Variants in SLC5A6 observed in about 807,000 individuals in gnomAD.
SLC5A6 encodes solute carrier family 5 member 6.
Under a neutral mutation model 67.9 loss-of-function variants are expected in SLC5A6, and 31 were observed. The ratio of observed to expected loss-of-function variants is 0.46; its 90% confidence interval spans 0.34 to 0.62. The LOEUF (loss-of-function observed/expected upper bound fraction) is 0.62, where lower values mean the gene tolerates loss of function less well. Ranked by LOEUF, SLC5A6 falls within the 20% of genes least tolerant of loss-of-function variation. The pLI is 0.01. For missense variants in SLC5A6, 673 were observed against 812.8 expected, an observed-to-expected ratio of 0.83 and a Z score of 2.09; for synonymous variants, 343 against 331.0, an observed-to-expected ratio of 1.04 and a Z score of -0.39.
At position 27,203,814 on chromosome 2, in the gene SLC5A6, CCCTGGCAGG is replaced by C. The variant is rs757184106; in HGVS notation, c.1050_1058del (p.Pro352_Leu354del). On this transcript the variant is annotated inframe_deletion, in exon 10 of 17. Transcript: ENST00000310574. The stretch of plus-strand genomic sequence containing the variant: ...CGCTGAAGAGGCAGGCAATGAAGAG[CCCTGGCAGG>C]CCTGGCAGGCCCTTCAGGAGATCCA... 4 of 1,613,942 alleles carry C rather than the reference CCCTGGCAGG, an allele frequency of 2.5e-6. No individual in the cohort carries two copies. Among genetic ancestry groups the C allele is most frequent in the Admixed American group, 1.7e-5 (1 of 60,004 alleles).
At chr2:27,211,990 CCGCCCCGCT>C in intron 1 of SLC5A6, 21 bp downstream of exon 1, 1 of 614,636 alleles carries the variant, frequency 1.6e-6, no homozygotes, top group Non-Finnish European at 2.6e-6. Flanking sequence ...CGCCCCCTGC[CCGCCCCGCT>C]CGCCGTGCCG....
intron 4 of SLC5A6, 82 bp from the exon 5 acceptor site, chr2:27,206,616 T>C: frequency 1.5e-5 from 20 of 1,302,338 alleles, no homozygotes; most frequent in Non-Finnish European, 2.0e-5. Context: ...AGCGCCAATA[T>C]GCCCATGGCT....
rs769850274 is a variant in SLC5A6, at chr2:27,200,427, G to C, written c.*9C>G. On this transcript the variant is annotated 3_prime_UTR_variant, in exon 17 of 17. Coordinates refer to ENST00000310574, the MANE Select transcript of SLC5A6 (RefSeq NM_021095.4). ...ACAGTGAGGACAGAGGCGGGGTCCT[G>C]AGTCAACATCACAGGGAGGTCTCCT... The C allele has an allele frequency of 1.2e-6, 2 of 1,605,574 alleles. No individual in the cohort carries two copies. Among genetic ancestry groups the C allele is most frequent in the East Asian group, 4.5e-5 (2 of 44,858 alleles).
chr2:27,212,151 A>C lies in SLC5A6; in HGVS notation c.-339T>G. On this transcript the variant is annotated 5_prime_UTR_variant, in exon 1 of 17. Transcript: ENST00000310574. ...CGGCGACGGGGGAGGCCTTCACTAA[A>C]GGGGAAAAGGAAGAGGGGGTCGGCC... 3 of 1,530,360 alleles carry C rather than the reference A, an allele frequency of 2.0e-6. No individual in the cohort carries two copies. The South Asian group carries it at 3.7e-5, about 19-fold the overall frequency. 94.8% of individuals were successfully genotyped at this position (1,530,360 alleles called of 1,614,324 possible). A position where few individuals can be genotyped will look rare whatever the true frequency, so the allele number is the denominator to read the frequency against.
In SLC5A6 at chr2:27,205,140, A is replaced by G. The variant is rs188370451; in HGVS notation, c.735-209T>C. On this transcript the variant is annotated intron_variant, in intron 7 of 16. Transcript: ENST00000310574. ...CTTCCACCCCAGGCTCATTCCAGGT[A>G]CTCATCCCAGGTAATGTCCTGACTC... The G allele has an allele frequency of 5.1e-5, 36 of 708,692 alleles. No homozygotes were observed. The East Asian group carries it at 8.1e-4, about 16-fold the overall frequency. The allele number at this position is 708,692 out of a possible 1,614,324, so 43.9% of individuals were successfully genotyped here. A position where few individuals can be genotyped will look rare whatever the true frequency, so the allele number is the denominator to read the frequency against.
intron 12 of SLC5A6, 97 bp downstream of exon 12, chr2:27,202,716 C>A: frequency 1.9e-6 from 2 of 1,062,236 alleles, no homozygotes; most frequent in South Asian, 1.3e-5. Flanking sequence ...GCCTGCCCCC[C>A]GGTCATTCCC....
chr2:27,206,989 A>T, intron 3 of SLC5A6, 47 bp from the exon 4 acceptor site: 1 of 1,465,484 alleles, frequency 6.8e-7, no homozygotes, highest in Non-Finnish European at 9.6e-7. Context: ...CACCCCGACA[A>T]CTCACAGACA....
chr2:27,210,115 G>C (rs976154503), intron 2 of SLC5A6, among the ~76,000 whole-genome samples: 1 of 152,198 alleles, frequency 6.6e-6, no homozygotes, highest in Admixed American at 6.5e-5. Context: ...AGACAGGAAG[G>C]AAAGTCCCAG....
Position 27,207,550 on chromosome 2 carries a change from A to T in SLC5A6, c.101T>A (p.Leu34Gln). The T allele has an allele frequency of 6.2e-7, 1 of 1,614,268 alleles. No homozygotes were observed. The highest frequency in any genetic ancestry group is 8.5e-7 in the Non-Finnish European group (1 of 1,180,048). The change falls in exon 3 of 17, where the codon CTG (leucine) becomes CAG (glutamine). Residue 34 changes from leucine to glutamine, a missense_variant. Transcript: ENST00000310574. This position sits in a 1 kb window ranked among gnomAD's most constrained non-coding sequence, Gnocchi z 5.5. ...FSIMDYVVFVLLLVLSLAIGL... is the reference protein window; with the variant it reads ...FSIMDYVVFVQLLVLSLAIGL... ...AATGGCAAGAGAGAGAACCAGCAGC[A>T]GGACGAACACCACATAGTCCATGAT... is the stretch of plus-strand genomic sequence containing the variant.
chr2:27,203,000 A>G, intron 11 of SLC5A6, 120 bp from the exon 12 acceptor site: 4 of 1,541,716 alleles, frequency 2.6e-6, no homozygotes, highest in Non-Finnish European at 3.5e-6. Context: ...CAAAAGGCAT[A>G]TTACATCACG....
intron 5 of SLC5A6, 52 bp from the exon 6 acceptor site, chr2:27,206,145 A>G: frequency 6.6e-7 from 1 of 1,511,858 alleles, no homozygotes; most frequent in Non-Finnish European, 9.2e-7. Context: ...TCCCCAGGGG[A>G]GAAGCCCTGG....
chr2:27,205,946 T>G, intron 6 of SLC5A6, 80 bp downstream of exon 6: 1 of 1,058,464 alleles, frequency 9.4e-7, no homozygotes, highest in South Asian at 1.3e-5. Flanking sequence ...TCTCAGCTTA[T>G]CTCTTCTTTT....
chr2:27,203,822 G>A lies in SLC5A6; in HGVS notation c.1051C>T (p.Leu351=). 6.2e-7 allele frequency: 1 copy of A among 1,614,090 alleles called. No homozygotes were observed. Among genetic ancestry groups the A allele is most frequent in the Non-Finnish European group, 8.5e-7 (1 of 1,179,940 alleles). The change falls in exon 10 of 17, where the codon CTG becomes TTG. Residue 351 remains leucine (L), a synonymous_variant. Transcript: ENST00000310574. ...VMDLLKGLPG[L]PGLFIACLFS... is the part of the protein sequence containing the mutation. ...AGGCAGGCAATGAAGAGCCCTGGCA[G>A]GCCTGGCAGGCCCTTCAGGAGATCC...
At position 27,203,273 on chromosome 2, in the gene SLC5A6, C is replaced by G; in HGVS notation, c.1167G>C (p.Glu389Asp). 1 of 1,614,112 alleles carries G rather than the reference C, an allele frequency of 6.2e-7. No individual in the cohort carries two copies. Residue 389 changes from glutamate to aspartate, a missense_variant, in exon 11 of 17, where the codon GAG (glutamate) becomes GAC (aspartate). Transcript: ENST00000310574. ...MEDLIRPWFP[E>D]FSEARAIMLS... Reference sequence around the variant, plus strand: ...GCATGATGGCCCGGGCTTCAGAGAACTCAGGGAACCAAGGTCGAATCAGGT... The same window carrying G: ...GCATGATGGCCCGGGCTTCAGAGAAGTCAGGGAACCAAGGTCGAATCAGGT...
At chr2:27,211,921 G>A (rs1674540578) in intron 1 of SLC5A6, 99 bp downstream of exon 1, 1 of 411,444 alleles carries the variant, frequency 2.4e-6, no homozygotes, top group African/African-American at 2.1e-5. Flanking sequence ...CCACACGTGG[G>A]TAGCCAGAGC....
intron 7 of SLC5A6, 142 bp downstream of exon 7, chr2:27,205,208 T>G (rs1673966121): frequency 1.2e-6 from 1 of 849,210 alleles, no homozygotes; most frequent in Non-Finnish European, 1.8e-6. Flanking sequence ...CCTCCATCTC[T>G]GCAGGACCAG....
chr2:27,202,458 C>T (rs960539209), intron 12 of SLC5A6, among the ~76,000 whole-genome samples: 1 of 143,608 alleles, frequency 7.0e-6, no homozygotes, highest in African/African-American at 2.6e-5. Flanking sequence ...CAACTGAGAT[C>T]GCGCCACTGC....
chr2:27,207,538 A>T lies in SLC5A6; in HGVS notation c.113T>A (p.Leu38His), dbSNP rs1221284970. The T allele has an allele frequency of 1.9e-6, 3 of 1,614,128 alleles. No individual in the cohort carries two copies. Among genetic ancestry groups the T allele is most frequent in the Non-Finnish European group, 2.5e-6 (3 of 1,180,058 alleles). The change falls in exon 3 of 17, where the codon CTC (leucine) becomes CAC (histidine). Residue 38 changes from leucine to histidine, a missense_variant. Coordinates refer to ENST00000310574, the MANE Select transcript of SLC5A6 (RefSeq NM_021095.4). This position sits in a 1 kb window ranked among gnomAD's most constrained non-coding sequence, Gnocchi z 5.5. The stretch of plus-strand genomic sequence containing the variant: ...ATGGTAGAGCCCAATGGCAAGAGAG[A>T]GAACCAGCAGCAGGACGAACACCAC... ...DYVVFVLLLV[L>H]SLAIGLYHAC...
chr2:27,205,526 C>A (rs1302846966), intron 6 of SLC5A6, 22 bp from the exon 7 acceptor site: 1 of 1,613,996 alleles, frequency 6.2e-7, no homozygotes, highest in Admixed American at 1.7e-5. Flanking sequence ...GCACAGCAAA[C>A]CTGCCACAGA....
Sources: gnomAD v4.1 joint callset for allele counts (sites outside exome capture counted in the v4.1 genomes callset) on GRCh38, gnomAD v4.1.1 for gene constraint, Gnocchi (gnomAD v3.1) non-coding constraint, MANE v1.5 for transcripts, NCBI Gene and HGNC (gene_info 2026-07-23, HGNC 2026-07-21) for gene names.